PTPRO: variants seen among roughly 807,000 people sequenced by gnomAD.
PTPRO encodes the protein protein tyrosine phosphatase receptor type O.
A neutral mutation model predicts 145.2 loss-of-function variants in PTPRO; 62 were observed. That is an observed-to-expected ratio of 0.43 (90% CI 0.35 to 0.53). PTPRO has a LOEUF of 0.53. Among genes scored for constraint, PTPRO ranks in the 20% least tolerant of loss-of-function variants. The pLI is 0.01. For missense variants in PTPRO, 1,345 were observed against 1,482.7 expected (o/e 0.91, Z 1.53); for synonymous variants, 565 against 514.7 (o/e 1.10, Z -1.32).
intron 1 of PTPRO, among the ~76,000 whole-genome samples, chr12:15,419,403 G>GCAATTCAGAT (rs1362634420): frequency 6.6e-6 from 1 of 151,324 alleles, no homozygotes; most frequent in Non-Finnish European, 1.5e-5. Context: ...AGAAGATGAA[G>GCAATTCAGAT]CAATTCAGAT....
chr12:15,405,794 A>G (rs576420332), intron 1 of PTPRO, among the ~76,000 whole-genome samples: 24 of 152,204 alleles, frequency 1.6e-4, no homozygotes, highest in Admixed American at 5.2e-4. Flanking sequence ...ATACTAGAAG[A>G]TGAGTTAATA....
intron 1 of PTPRO, among the ~76,000 whole-genome samples, chr12:15,336,700 T>C (rs1866774808): frequency 1.3e-5 from 2 of 152,244 alleles, no homozygotes; most frequent in Non-Finnish European, 2.9e-5. Context: ...GATCTCTTCA[T>C]AGAAGACAAA....
chr12:15,366,405 T>C (rs1938362384), intron 1 of PTPRO, among the ~76,000 whole-genome samples: 1 of 152,168 alleles, frequency 6.6e-6, no homozygotes, highest in Admixed American at 6.5e-5. Context: ...TTTTGATTCA[T>C]AATGTTTAAA....
chr12:15,562,886 T>C (rs949957964), intron 17 of PTPRO, among the ~76,000 whole-genome samples: 1 of 152,104 alleles, frequency 6.6e-6, no homozygotes, highest in Non-Finnish European at 1.5e-5. Flanking sequence ...TGATTGCACA[T>C]TCTATTTGAA....
At chr12:15,521,329 T>C (rs1942716641) in intron 10 of PTPRO, among the ~76,000 whole-genome samples, 1 of 152,178 alleles carries the variant, frequency 6.6e-6, no homozygotes, top group Non-Finnish European at 1.5e-5. Context: ...CAGAGCACTT[T>C]TTGTTCCAGA....
intron 8 of PTPRO, among the ~76,000 whole-genome samples, chr12:15,515,990 T>G (rs1942572112): frequency 8.0e-6 from 1 of 125,736 alleles, no homozygotes; most frequent in African/African-American, 3.4e-5. Flanking sequence ...TTTTTTTGTT[T>G]TGTTTTTTTT....
chr12:15,420,370 C>G (rs1227339812), intron 1 of PTPRO, among the ~76,000 whole-genome samples: 1 of 151,592 alleles, frequency 6.6e-6, no homozygotes, highest in Non-Finnish European at 1.5e-5. Context: ...TAATCCTCCA[C>G]CATTGCTACC....
At chr12:15,477,846 C>T (rs920138087) in intron 1 of PTPRO, among the ~76,000 whole-genome samples, 2 of 152,142 alleles carry the variant, frequency 1.3e-5, no homozygotes, top group African/African-American at 2.4e-5. Flanking sequence ...TCCCATCTAC[C>T]TTTGAGGCCT....
chr12:15,551,425 G>T lies in PTPRO; in HGVS notation c.2438-126G>T, dbSNP rs1264649968. ...AGGTCATTGCTGGCTTGGGGAACAT[G>T]ATTGTTACTATTATTGGTATCATCG... On this transcript the variant is annotated intron_variant, in intron 14 of 26. Transcript: ENST00000281171. The T allele has an allele frequency of 9.6e-6, 12 of 1,247,948 alleles. 1 individual carries two copies. Among genetic ancestry groups the T allele is most frequent in the Non-Finnish European group, 1.4e-5 (12 of 863,626 alleles). 77.3% of individuals were successfully genotyped at this position (1,247,948 alleles called of 1,614,324 possible). A position where few individuals can be genotyped will look rare whatever the true frequency, so the allele number is the denominator to read the frequency against.
chr12:15,559,025 C>A (rs1943709252), intron 16 of PTPRO, among the ~76,000 whole-genome samples: 1 of 152,214 alleles, frequency 6.6e-6, no homozygotes, highest in Admixed American at 6.5e-5. Context: ...GGTTGACTCA[C>A]TGATACTTGT....
rs537856860 is a variant in PTPRO, at chr12:15,460,607, A to T, written c.76-23367A>T. On this transcript the variant is annotated intron_variant, in intron 1 of 26. Transcript: ENST00000281171. The stretch of plus-strand genomic sequence containing the variant: ...CCAATTTGCCCTGTAGCTCTACAGC[A>T]TGCCCACAGAGCCAACCTAGGTAAG... Among the ~76,000 whole-genome samples, 14 of 152,346 alleles carry T rather than the reference A, an allele frequency of 9.2e-5. No individual in the cohort carries two copies. In the South Asian group the frequency reaches 2.7e-3, roughly 29 times the overall value.
intron 1 of PTPRO, among the ~76,000 whole-genome samples, chr12:15,343,397 A>G (rs1409694811): frequency 6.6e-6 from 1 of 152,116 alleles, no homozygotes; most frequent in Non-Finnish European, 1.5e-5. Flanking sequence ...TTAAAATTAA[A>G]ATTTAAAGGC....
At position 15,546,520 on chromosome 12, in the gene PTPRO, G is replaced by T. The variant is rs1943293035; in HGVS notation, c.2165-49G>T. 8 of 1,548,042 alleles carry T rather than the reference G, an allele frequency of 5.2e-6. No individual in the cohort carries two copies. In the East Asian group the frequency reaches 1.7e-4, roughly 33 times the overall value. ...ACCTGCTTATTAGTGAAAGAAGAAA[G>T]AATACACTTAGTAAATTAAATTTTT... On this transcript the variant is annotated intron_variant, in intron 12 of 26. Coordinates refer to ENST00000281171, the MANE Select transcript of PTPRO (RefSeq NM_030667.3).
At chr12:15,550,195 G>A (rs945525067) in intron 14 of PTPRO, among the ~76,000 whole-genome samples, 3 of 152,044 alleles carry the variant, frequency 2.0e-5, no homozygotes, top group Non-Finnish European at 4.4e-5. Flanking sequence ...ACACATTTTT[G>A]TATGTTATAC....
At chr12:15,563,403 G>C (rs547130274) in intron 17 of PTPRO, among the ~76,000 whole-genome samples, 2 of 151,988 alleles carry the variant, frequency 1.3e-5, no homozygotes, top group Admixed American at 1.3e-4. Flanking sequence ...TTTTAGTCTC[G>C]GAATTAGCAC....
intron 24 of PTPRO, among the ~76,000 whole-genome samples, chr12:15,589,183 C>G (rs1944492074): frequency 6.6e-6 from 1 of 152,156 alleles, no homozygotes; most frequent in Admixed American, 6.5e-5. Context: ...CAAGACCAGC[C>G]TGGCCAACAT....
chr12:15,567,450 C>T (rs539945975), intron 18 of PTPRO, among the ~76,000 whole-genome samples: 75 of 151,964 alleles, frequency 4.9e-4, no homozygotes, highest in African/African-American at 1.7e-3. Flanking sequence ...TCTTTTTCTT[C>T]TCCTTGTCAT....
At chr12:15,406,283 T>A (rs1939645202) in intron 1 of PTPRO, among the ~76,000 whole-genome samples, 1 of 152,176 alleles carries the variant, frequency 6.6e-6, no homozygotes, top group Non-Finnish European at 1.5e-5. Context: ...TTAAAATAAA[T>A]TGCATAACAC....
intron 24 of PTPRO, among the ~76,000 whole-genome samples, chr12:15,588,675 C>G (rs1345932455): frequency 2.0e-5 from 3 of 152,168 alleles, no homozygotes; most frequent in Non-Finnish European, 4.4e-5. Flanking sequence ...GTTGAAGATA[C>G]ACAAATCTCT....
Sources: gnomAD v4.1 joint callset for allele counts (sites outside exome capture counted in the v4.1 genomes callset) on GRCh38, gnomAD v4.1.1 for gene constraint, MANE v1.5 for transcripts, NCBI Gene and HGNC (gene_info 2026-07-23, HGNC 2026-07-21) for gene names.